RBMS1: variants seen among roughly 807,000 people sequenced by gnomAD.
RBMS1 encodes the protein RNA binding motif single stranded interacting protein 1.
Under a neutral mutation model 62.3 loss-of-function variants are expected in RBMS1, and 17 were observed. That is an observed-to-expected ratio of 0.27 (90% CI 0.19 to 0.41). The LOEUF (loss-of-function observed/expected upper bound fraction) is 0.41. Ranked by LOEUF, RBMS1 falls within the 10% of genes least tolerant of loss-of-function variation. The pLI, the probability that RBMS1 is intolerant of heterozygous loss-of-function variation, is 1.00. For missense variants in RBMS1, 334 were observed against 504.5 expected (o/e 0.66, Z 3.24); for synonymous variants, 172 against 170.0 (o/e 1.01, Z -0.09).
chr2:160,463,510 GCGGTGGCT>G (rs1308328498), intron 1 of RBMS1, among the ~76,000 whole-genome samples: 6 of 152,176 alleles, frequency 3.9e-5, no homozygotes, highest in African/African-American at 1.4e-4. Context: ...GCGGCCGGGC[GCGGTGGCT>G]CAGGCCTATA....
At chr2:160,407,637 G>A in intron 1 of RBMS1, 1 of 981,824 alleles carries the variant, frequency 1.0e-6, no homozygotes, top group Admixed American at 6.3e-5. Context: ...CGGGGCCGCG[G>A]CAGCTCTGGG....
chr2:160,399,326 AAGGGCTTCCTGTATTTC>A (rs754725083), intron 1 of RBMS1, among the ~76,000 whole-genome samples: 15 of 152,190 alleles, frequency 9.9e-5, no homozygotes, highest in Non-Finnish European at 1.8e-4. Context: ...ATACAATTTT[AAGGGCTTCCTGTATTTC>A]AGTATCTATA....
chr2:160,380,247 C>A (rs540244897), intron 1 of RBMS1, among the ~76,000 whole-genome samples: 1 of 152,252 alleles, frequency 6.6e-6, no homozygotes, highest in South Asian at 2.1e-4. Context: ...CACTCAATGA[C>A]TAGTGACGGG....
At chr2:160,391,294 C>T (rs966826739) in intron 1 of RBMS1, among the ~76,000 whole-genome samples, 6 of 151,068 alleles carry the variant, frequency 4.0e-5, no homozygotes, top group East Asian at 1.9e-4. Context: ...CATGTGAAGA[C>T]GAGTTATGTT....
chr2:160,353,817 A>G (rs1213284689), intron 2 of RBMS1, among the ~76,000 whole-genome samples: 1 of 152,102 alleles, frequency 6.6e-6, no homozygotes, highest in African/African-American at 2.4e-5. Context: ...GGGATTGACC[A>G]TTAGAAGCTT....
intron 6 of RBMS1, among the ~76,000 whole-genome samples, chr2:160,293,205 A>G (rs1688767779): frequency 6.6e-6 from 1 of 152,250 alleles, no homozygotes; most frequent in South Asian, 2.1e-4. Context: ...AATGGGCAAT[A>G]AAAACCTTTG....
At chr2:160,286,890 C>T in intron 7 of RBMS1, 79 bp downstream of exon 7, 4 of 1,600,014 alleles carry the variant, frequency 2.5e-6, no homozygotes, top group Non-Finnish European at 3.4e-6. Context: ...GTCAAGATGC[C>T]TTTTTGTGTT....
intron 1 of RBMS1, among the ~76,000 whole-genome samples, chr2:160,371,822 G>A (rs12998352): frequency 0.18 from 27,620 of 152,084 alleles, 3,267 homozygotes; most frequent in Admixed American, 0.36. Flanking sequence ...GGACAACACT[G>A]ATGCCTCCTT....
intron 6 of RBMS1, 79 bp downstream of exon 6, chr2:160,300,572 A>T: frequency 6.9e-7 from 1 of 1,458,204 alleles, no homozygotes; most frequent in Non-Finnish European, 9.0e-7. Flanking sequence ...TTTTTGTTCT[A>T]TTGAAGAGTC....
intron 1 of RBMS1, among the ~76,000 whole-genome samples, chr2:160,443,692 A>G (rs1051740455): frequency 2.0e-5 from 3 of 152,156 alleles, no homozygotes; most frequent in Non-Finnish European, 2.9e-5. Flanking sequence ...TGCTTCCTGT[A>G]CAGTCTGCAG....
At chr2:160,349,971 G>T (rs889810972) in intron 2 of RBMS1, among the ~76,000 whole-genome samples, 1 of 151,970 alleles carries the variant, frequency 6.6e-6, no homozygotes, top group African/African-American at 2.4e-5. Flanking sequence ...CAAGTCAGAA[G>T]GATCCAGGGG....
In RBMS1 at chr2:160,396,890, G is replaced by A. The variant is rs150234923; in HGVS notation, c.76-29499C>T. ...AGGGAATGTCTACCTGCGCATGCAC[G>A]TGGCACTCTCTGACCGAGGTCCGGG... On this transcript the variant is annotated intron_variant, in intron 1 of 13. Coordinates refer to ENST00000348849, the MANE Select transcript of RBMS1 (RefSeq NM_016836.4). Among the ~76,000 whole-genome samples, 39 of 152,222 alleles carry A rather than the reference G, an allele frequency of 2.6e-4. No homozygotes were observed. In the East Asian group the frequency reaches 4.1e-3, roughly 16 times the overall value.
chr2:160,445,998 A>G (rs1482153456), intron 1 of RBMS1, among the ~76,000 whole-genome samples: 3 of 134,180 alleles, frequency 2.2e-5, no homozygotes, highest in Non-Finnish European at 5.2e-5. Flanking sequence ...ATCAGCTCCA[A>G]AAAAAAAAAA....
intron 1 of RBMS1, among the ~76,000 whole-genome samples, chr2:160,462,038 C>T (rs59400442): frequency 0.031 from 4,669 of 152,310 alleles, 219 homozygotes; most frequent in African/African-American, 0.1. Context: ...GAACAACAGA[C>T]AGCACAAGAG....
intron 1 of RBMS1, among the ~76,000 whole-genome samples, chr2:160,455,420 C>T (rs1002898875): frequency 2.6e-5 from 4 of 152,154 alleles, no homozygotes; most frequent in Non-Finnish European, 2.9e-5. Context: ...AGAAATGTTA[C>T]AACTAGAAAG....
At chr2:160,458,589 G>A (rs1462075673) in intron 1 of RBMS1, among the ~76,000 whole-genome samples, 1 of 152,134 alleles carries the variant, frequency 6.6e-6, no homozygotes, top group Non-Finnish European at 1.5e-5. Flanking sequence ...CTGGGGTCAG[G>A]GGCTTGAAAC....
At chr2:160,360,681 C>T (rs1693077504) in intron 2 of RBMS1, among the ~76,000 whole-genome samples, 1 of 152,194 alleles carries the variant, frequency 6.6e-6, no homozygotes, top group Non-Finnish European at 1.5e-5. Context: ...CTGGAGGATA[C>T]TATTGCTTTC....
At chr2:160,479,427 G>A (rs962070692) in intron 1 of RBMS1, among the ~76,000 whole-genome samples, 2 of 152,162 alleles carry the variant, frequency 1.3e-5, no homozygotes, top group Non-Finnish European at 2.9e-5. Context: ...AAGTCTGGCC[G>A]GCCCTGACTG....
chr2:160,277,369 C>T lies in RBMS1; in HGVS notation c.1077G>A (p.Thr359=), dbSNP rs373446975. Residue 359 remains threonine (T), a synonymous_variant, in exon 12 of 14, where the codon ACG becomes ACA. Transcript: ENST00000348849. ...GCAAGTAGGCTCCTTGCATAGCTGA[C>T]GTTGCAGGCATGTACTAGAAAGAAG... ...LGSTGTYMPA[T]SAMQGAYLPQ... The T allele has an allele frequency of 5.1e-5, 82 of 1,612,616 alleles. No homozygotes were observed. Among genetic ancestry groups the T allele is most frequent in the Middle Eastern group, 1.6e-4 (1 of 6,080 alleles).
Sources: gnomAD v4.1 joint callset for allele counts (sites outside exome capture counted in the v4.1 genomes callset) on GRCh38, gnomAD v4.1.1 for gene constraint, MANE v1.5 for transcripts, NCBI Gene and HGNC (gene_info 2026-07-23, HGNC 2026-07-21) for gene names.